The following ELP3 variants were observed in gnomAD, a reference collection of about 807,000 sequenced individuals.
ELP3 encodes elongator complex protein 3.
A neutral mutation model predicts 74.9 loss-of-function variants in ELP3; 56 were observed. The observed-to-expected ratio is 0.75, with a 90% CI of 0.60 to 0.93. ELP3 has a LOEUF of 0.93. Ranked by LOEUF, ELP3 falls within the 40% of genes least tolerant of loss-of-function variation. ELP3 has a pLI of 0.00. For missense variants in ELP3, 573 were observed against 686.5 expected (o/e 0.83, Z 1.85); for synonymous variants, 222 against 239.8 (o/e 0.93, Z 0.68).
intron 14 of ELP3, among the ~76,000 whole-genome samples, chr8:28,175,937 C>G (rs963345961): frequency 6.6e-6 from 1 of 151,176 alleles, no homozygotes; most frequent in Admixed American, 6.6e-5. Context: ...GCCTCAGCCT[C>G]CCTAGTAGCT....
At chr8:28,105,227 A>AG (rs201312764) in intron 3 of ELP3, among the ~76,000 whole-genome samples, 4,195 of 152,100 alleles carry the variant, frequency 0.028, 214 homozygotes, top group African/African-American at 0.097. Context: ...ACTAAAAAAA[A>AG]AAAATACAAA....
intron 14 of ELP3, among the ~76,000 whole-genome samples, chr8:28,183,849 C>T (rs936902974): frequency 6.6e-6 from 1 of 152,228 alleles, no homozygotes; most frequent in Admixed American, 6.5e-5. Flanking sequence ...GGGTGGAGCA[C>T]TTGGTTCCTT....
chr8:28,169,969 C>CAG (rs972321242), intron 14 of ELP3, among the ~76,000 whole-genome samples: 10 of 152,132 alleles, frequency 6.6e-5, no homozygotes, highest in Non-Finnish European at 1.2e-4. Context: ...TGGGAGTGAT[C>CAG]AGAGAGAGAG....
At chr8:28,183,322 T>A in intron 14 of ELP3, 3 of 439,528 alleles carry the variant, frequency 6.8e-6, no homozygotes, top group South Asian at 5.0e-5. Context: ...AGATAAAATA[T>A]TTATCCTGCC....
At chr8:28,115,203 C>T (rs760992233) in intron 7 of ELP3, among the ~76,000 whole-genome samples, 7 of 151,884 alleles carry the variant, frequency 4.6e-5, no homozygotes, top group African/African-American at 7.3e-5. Context: ...GTGGAGATGT[C>T]GGTGGGCTCT....
At chr8:28,182,759 C>A (rs1815068086) in intron 14 of ELP3, among the ~76,000 whole-genome samples, 1 of 152,216 alleles carries the variant, frequency 6.6e-6, no homozygotes, top group Non-Finnish European at 1.5e-5. Context: ...CCCCCTTTCC[C>A]GAATCCTTTG....
chr8:28,093,951 A>C lies in ELP3; in HGVS notation c.19+718A>C, dbSNP rs1475081850. Among the ~76,000 whole-genome samples the C allele has an allele frequency of 2.6e-5, 4 of 152,252 alleles. No homozygotes were observed. The East Asian group carries it at 7.7e-4, about 29-fold the overall frequency. The stretch of plus-strand genomic sequence containing the variant: ...AAGAGTTAAGTAACTTTCCCAGACC[A>C]AAATTATACTTAGATATGGAGCTGG... On this transcript the variant is annotated intron_variant, in intron 1 of 14. Transcript: ENST00000256398.
At chr8:28,155,212 G>A (rs1332938921) in intron 10 of ELP3, among the ~76,000 whole-genome samples, 4 of 152,202 alleles carry the variant, frequency 2.6e-5, no homozygotes, top group Non-Finnish European at 5.9e-5. Flanking sequence ...AAGCAGATGT[G>A]CCGAGCATAT....
chr8:28,157,605 A>G (rs1813882642), intron 11 of ELP3, among the ~76,000 whole-genome samples: 1 of 152,218 alleles, frequency 6.6e-6, no homozygotes, highest in Admixed American at 6.5e-5. Flanking sequence ...GCAGTCCTTC[A>G]TAAAAATACT....
At chr8:28,093,942 T>G (rs1811149498) in intron 1 of ELP3, among the ~76,000 whole-genome samples, 1 of 152,228 alleles carries the variant, frequency 6.6e-6, no homozygotes, top group African/African-American at 2.4e-5. Flanking sequence ...TAAGTAACTT[T>G]CCCAGACCAA....
At chr8:28,154,762 A>G (rs1487090642) in intron 10 of ELP3, among the ~76,000 whole-genome samples, 1 of 152,184 alleles carries the variant, frequency 6.6e-6, no homozygotes, top group Non-Finnish European at 1.5e-5. Context: ...AGTTCCAAAG[A>G]TAGAAATTTA....
chr8:28,137,879 A>T lies in ELP3; in HGVS notation c.1088A>T (p.Tyr363Phe). The change falls in exon 10 of 15, where the codon TAC (tyrosine) becomes TTC (phenylalanine). Residue 363 changes from tyrosine to phenylalanine, a missense_variant. Physicochemically the swap from Tyr to Phe is conservative, Grantham distance 22. Coordinates refer to ENST00000256398, the MANE Select transcript of ELP3 (RefSeq NM_018091.6). ...CTCGTGCCTCCATGGACTCGAGTGTACCGAGTACAGAGGTAGTGTGTTATC... is the reference window on the plus strand; with the variant it reads ...CTCGTGCCTCCATGGACTCGAGTGTTCCGAGTACAGAGGTAGTGTGTTATC... ...LALVPPWTRVYRVQRDIPMPL... is the reference protein window; with the variant it reads ...LALVPPWTRVFRVQRDIPMPL... The T allele has an allele frequency of 1.2e-6, 2 of 1,608,410 alleles. No individual in the cohort carries two copies. Among genetic ancestry groups the T allele is most frequent in the Non-Finnish European group, 1.7e-6 (2 of 1,178,362 alleles).
Position 28,093,187 on chromosome 8 carries a change from C to G in ELP3, c.-28C>G, listed in dbSNP as rs1226282697. ...TGAGTTTGTGGCTGCATTTTTATCT[C>G]TGGTGGCTCTGCTACGGCGGCGCAG... On this transcript the variant is annotated 5_prime_UTR_variant, in exon 1 of 15. Coordinates refer to ENST00000256398, the MANE Select transcript of ELP3 (RefSeq NM_018091.6). 6.2e-7 allele frequency: 1 copy of G among 1,611,942 alleles called. No homozygotes were observed. Among genetic ancestry groups the G allele is most frequent in the Non-Finnish European group, 8.5e-7 (1 of 1,179,614 alleles).
At chr8:28,130,122 AAAG>A (rs1160391300) in intron 8 of ELP3, among the ~76,000 whole-genome samples, 14 of 152,346 alleles carry the variant, frequency 9.2e-5, no homozygotes, top group African/African-American at 3.1e-4. Flanking sequence ...GAGTGCAAGA[AAAG>A]AAGGAAGTAA....
intron 14 of ELP3, among the ~76,000 whole-genome samples, chr8:28,186,069 A>G (rs1485188680): frequency 6.6e-6 from 1 of 152,216 alleles, no homozygotes; most frequent in African/African-American, 2.4e-5. Context: ...TAAGTGAAAT[A>G]AGCCAGTTAT....
intron 3 of ELP3, among the ~76,000 whole-genome samples, chr8:28,100,941 T>C (rs1399412233): frequency 6.6e-6 from 1 of 152,188 alleles, no homozygotes; most frequent in Admixed American, 6.5e-5. Flanking sequence ...CATTCTGTTA[T>C]TTGAATTGGG....
chr8:28,121,193 C>G (rs1812351544), intron 7 of ELP3, among the ~76,000 whole-genome samples: 1 of 151,976 alleles, frequency 6.6e-6, no homozygotes, highest in African/African-American at 2.4e-5. Flanking sequence ...TTTAAATTCT[C>G]TTAGCAATCT....
At chr8:28,142,240 G>C (rs181688056) in intron 10 of ELP3, among the ~76,000 whole-genome samples, 3 of 152,246 alleles carry the variant, frequency 2.0e-5, no homozygotes, top group South Asian at 2.1e-4. Context: ...GATAAGAAAG[G>C]CATGACATTA....
rs1194212072 is a variant in ELP3, at chr8:28,190,970, G to A, written c.*1245G>A. The A allele has an allele frequency of 6.6e-6, 1 of 152,158 alleles. No individual in the cohort carries two copies. Among genetic ancestry groups the A allele is most frequent in the Admixed American group, 6.6e-5 (1 of 15,264 alleles). 9.4% of individuals were successfully genotyped at this position (152,158 alleles called of 1,614,324 possible). On this transcript the variant is annotated 3_prime_UTR_variant, in exon 15 of 15. Coordinates refer to ENST00000256398, the MANE Select transcript of ELP3 (RefSeq NM_018091.6). Reference sequence around the variant, plus strand: ...GAAAACAGGATTGGCTTCTTCAAAGGCTCCTCTTGTAGAACTGCCTCTTTG... The same window carrying A: ...GAAAACAGGATTGGCTTCTTCAAAGACTCCTCTTGTAGAACTGCCTCTTTG...
Sources: gnomAD v4.1 joint callset for allele counts (sites outside exome capture counted in the v4.1 genomes callset) on GRCh38, gnomAD v4.1.1 for gene constraint, MANE v1.5 for transcripts, NCBI Gene and HGNC (gene_info 2026-07-23, HGNC 2026-07-21) for gene names.